The following PRKACB variants were observed in gnomAD, a reference collection of about 807,000 sequenced individuals.
PRKACB encodes the protein cAMP-dependent protein kinase catalytic subunit beta.
In PRKACB, 16 loss-of-function variants were observed where a neutral mutation model predicts 51.4. That is an observed-to-expected ratio of 0.31 (90% CI 0.21 to 0.47). PRKACB has a LOEUF of 0.47. Ranked by LOEUF, PRKACB falls within the 20% of genes least tolerant of loss-of-function variation. The probability of loss-of-function intolerance (pLI) is 1.00; values close to 1 mark genes in which losing one functional copy is unlikely to be tolerated. For missense variants in PRKACB, 309 were observed against 464.5 expected (o/e 0.67, Z 3.08); for synonymous variants, 147 against 154.4 (o/e 0.95, Z 0.35).
At chr1:84,108,414 CTG>C (rs1243026984) in intron 1 of PRKACB, among the ~76,000 whole-genome samples, 1 of 151,926 alleles carries the variant, frequency 6.6e-6, no homozygotes, top group African/African-American at 2.4e-5. Context: ...ATGAAAAAAT[CTG>C]TATGCCAAAC....
At chr1:84,163,633 GTTTTTAGGC>G (rs1656573167) in intron 1 of PRKACB, among the ~76,000 whole-genome samples, 1 of 151,990 alleles carries the variant, frequency 6.6e-6, no homozygotes, top group African/African-American at 2.4e-5. Context: ...GACTCCCACT[GTTTTTAGGC>G]AGAGTTCAGT....
In PRKACB at chr1:84,237,456, G is replaced by C. The variant is rs1558378392; in HGVS notation, c.*2151G>C. ...AATATTTTTTTCTATGAAATTACTA[G>C]TGCCCAGCTGTAGAATCTACCTTAG... On this transcript the variant is annotated 3_prime_UTR_variant, in exon 10 of 10. Coordinates refer to ENST00000370685, the MANE Select transcript of PRKACB (RefSeq NM_182948.4). The C allele has an allele frequency of 6.6e-6, 1 of 152,398 alleles. No individual in the cohort carries two copies. The highest frequency in any genetic ancestry group is 1.5e-5 in the Non-Finnish European group (1 of 67,942). 9.4% of individuals were successfully genotyped at this position (152,398 alleles called of 1,614,324 possible).
At chr1:84,182,125 G>A (rs1012055954) in intron 2 of PRKACB, 75 bp from the exon 3 acceptor site, 30 of 1,077,416 alleles carry the variant, frequency 2.8e-5, no homozygotes, top group Non-Finnish European at 3.8e-5. Flanking sequence ...TTATGATTAT[G>A]TATTATTAAA....
chr1:84,149,238 A>G (rs1234270763), intron 1 of PRKACB, among the ~76,000 whole-genome samples: 1 of 152,114 alleles, frequency 6.6e-6, no homozygotes, highest in African/African-American at 2.4e-5. Context: ...TATTTTGTGT[A>G]TAGACACACA....
At chr1:84,141,774 T>C (rs1653444217), upstream of PRKACB, among the ~76,000 whole-genome samples, 1 of 152,100 alleles carries the variant, frequency 6.6e-6, no homozygotes, top group Non-Finnish European at 1.5e-5. Flanking sequence ...AATGTTACGA[T>C]TAGTTTGTGT....
At chr1:84,208,268 T>C (rs10874432) in intron 8 of PRKACB, among the ~76,000 whole-genome samples, 74,533 of 152,134 alleles carry the variant, frequency 0.49, 18,832 homozygotes, top group Non-Finnish European at 0.56. Flanking sequence ...AATAGTTATT[T>C]CTAAAACTCA....
intron 1 of PRKACB, among the ~76,000 whole-genome samples, chr1:84,091,469 A>G (rs1320726193): frequency 6.6e-6 from 1 of 152,014 alleles, no homozygotes; most frequent in East Asian, 1.9e-4. Context: ...TTGGTTCTTT[A>G]TGATTAGATT....
intron 1 of PRKACB, among the ~76,000 whole-genome samples, chr1:84,101,374 T>C (rs1649336983): frequency 6.6e-6 from 1 of 152,146 alleles, no homozygotes; most frequent in South Asian, 2.1e-4. Flanking sequence ...ATCTACAAAA[T>C]ACCTTCACAG....
intron 1 of PRKACB, among the ~76,000 whole-genome samples, chr1:84,125,685 A>G (rs1334264464): frequency 6.6e-6 from 1 of 152,206 alleles, no homozygotes; most frequent in Non-Finnish European, 1.5e-5. Context: ...AATTTAAACC[A>G]TCTTTCTTCC....
chr1:84,204,875 T>A, intron 8 of PRKACB: 3 of 982,966 alleles, frequency 3.1e-6, no homozygotes, highest in Non-Finnish European at 3.6e-6. Flanking sequence ...TGGCCTCGAT[T>A]TGCCAATCAT....
At chr1:84,234,658 G>A (rs1676422363) in intron 9 of PRKACB, among the ~76,000 whole-genome samples, 4 of 152,206 alleles carry the variant, frequency 2.6e-5, no homozygotes, top group Admixed American at 2.6e-4. Context: ...CAGTATTCGG[G>A]TGGGAGTGAC....
intron 1 of PRKACB, among the ~76,000 whole-genome samples, chr1:84,094,082 A>C (rs1252166668): frequency 2.6e-5 from 4 of 151,938 alleles, no homozygotes; most frequent in Non-Finnish European, 5.9e-5. Flanking sequence ...TAGTCCTTAT[A>C]CATTTTTTTT....
intron 3 of PRKACB, 93 bp from the exon 4 acceptor site, chr1:84,183,944 C>A: frequency 7.8e-7 from 1 of 1,290,124 alleles, no homozygotes; most frequent in Non-Finnish European, 1.0e-6. Flanking sequence ...TTTTGCTTAT[C>A]CAAGTTTATT....
chr1:84,229,712 TG>T (rs1256584936), intron 9 of PRKACB, among the ~76,000 whole-genome samples: 1 of 150,574 alleles, frequency 6.6e-6, no homozygotes, highest in African/African-American at 2.4e-5. Context: ...ATGTGTTTTT[TG>T]GCTGCATAAA....
At chr1:84,181,967 A>G (rs1232536874) in intron 2 of PRKACB, among the ~76,000 whole-genome samples, 2 of 152,002 alleles carry the variant, frequency 1.3e-5, no homozygotes. Flanking sequence ...ATTTCCTCCT[A>G]TTACTATTAT....
chr1:84,225,027 G>T (rs116588350), intron 9 of PRKACB, among the ~76,000 whole-genome samples: 36 of 152,160 alleles, frequency 2.4e-4, no homozygotes, highest in African/African-American at 8.2e-4. Context: ...CAGAGTGATA[G>T]ACAGAGGGGG....
At chr1:84,106,048 A>G (rs918135101) in intron 1 of PRKACB, among the ~76,000 whole-genome samples, 1 of 152,170 alleles carries the variant, frequency 6.6e-6, no homozygotes, top group African/African-American at 2.4e-5. Context: ...TAAGTAATCT[A>G]GAGATTATTT....
At chr1:84,207,286 C>T (rs1362836301) in intron 8 of PRKACB, among the ~76,000 whole-genome samples, 1 of 152,088 alleles carries the variant, frequency 6.6e-6, no homozygotes, top group African/African-American at 2.4e-5. Context: ...ATTATATCTA[C>T]CACTGTTTCT....
At chr1:84,138,176 A>G (rs1653016600) in intron 1 of PRKACB, among the ~76,000 whole-genome samples, 1 of 152,160 alleles carries the variant, frequency 6.6e-6, no homozygotes, top group East Asian at 1.9e-4. Flanking sequence ...AGCATGGGGC[A>G]TCTTGCAGTG....
Sources: gnomAD v4.1 joint callset for allele counts (sites outside exome capture counted in the v4.1 genomes callset) on GRCh38, gnomAD v4.1.1 for gene constraint, MANE v1.5 for transcripts, NCBI Gene and HGNC (gene_info 2026-07-23, HGNC 2026-07-21) for gene names.